Variants in DOCK1 observed in about 807,000 individuals in gnomAD.
The protein encoded by DOCK1 is dedicator of cytokinesis protein 1.
DOCK1 carries 138 observed loss-of-function variants against 262.7 expected under a neutral mutation model. The observed-to-expected ratio is 0.53, with a 90% CI of 0.46 to 0.61. The LOEUF is 0.61. Among genes scored for constraint, DOCK1 ranks in the 20% least tolerant of loss-of-function variants. The probability of loss-of-function intolerance (pLI) is 0.00; values close to 1 mark genes in which losing one functional copy is unlikely to be tolerated. For missense variants in DOCK1, 1,908 were observed against 2,370.7 expected, an observed-to-expected ratio of 0.80 and a Z score of 4.05; for synonymous variants, 866 against 867.4, an observed-to-expected ratio of 1.00 and a Z score of 0.03.
At position 126,934,422 on chromosome 10, in the gene DOCK1, C is replaced by A. The variant is rs887697215; in HGVS notation, c.46+28859C>A. ...ACTGGGGCTCTGTTGCAGGCTCCCA[C>A]CTTCGGAGAGAAGCCGTGCACCATT... On this transcript the variant is annotated intron_variant, in intron 1 of 51. Transcript: ENST00000623213. Among the ~76,000 whole-genome samples the A allele has an allele frequency of 5.2e-3, 797 of 152,360 alleles. 9 individuals are homozygous for A. The highest frequency in any genetic ancestry group is 0.018 in the African/African-American group (767 of 41,582).
intron 29 of DOCK1, among the ~76,000 whole-genome samples, chr10:127,327,486 T>G (rs2062793112): frequency 6.6e-6 from 1 of 152,188 alleles, no homozygotes. Flanking sequence ...TTCCCAGAAT[T>G]GAACAGAGTT....
chr10:127,266,287 C>CT (rs1182280211), intron 29 of DOCK1, among the ~76,000 whole-genome samples: 1 of 152,134 alleles, frequency 6.6e-6, no homozygotes, highest in Admixed American at 6.5e-5. Context: ...ATCTTTTTTC[C>CT]TTTCTTTGAA....
chr10:127,264,105 T>C (rs911791474), intron 29 of DOCK1, among the ~76,000 whole-genome samples: 3 of 152,202 alleles, frequency 2.0e-5, no homozygotes, highest in African/African-American at 7.2e-5. Flanking sequence ...AATTAGACTT[T>C]CTTGTTCGTA....
At chr10:127,216,940 A>G (rs896973893) in intron 27 of DOCK1, among the ~76,000 whole-genome samples, 1 of 152,178 alleles carries the variant, frequency 6.6e-6, no homozygotes, top group East Asian at 1.9e-4. Flanking sequence ...AACTGGCATC[A>G]TTTCCATTTG....
At chr10:127,208,387 C>A (rs545873631) in intron 27 of DOCK1, among the ~76,000 whole-genome samples, 2 of 152,244 alleles carry the variant, frequency 1.3e-5, no homozygotes, top group African/African-American at 4.8e-5. Context: ...TTTCATGCAA[C>A]CCAATGGAGT....
In DOCK1 at chr10:126,995,640, G is replaced by T. The variant is rs2040137555; in HGVS notation, c.474-1108G>T. ...CAGAGGCAGACCGTGGAGAGAGAGG[G>T]AGAGGGAGACCGTGGAGAGGGAGAG... On this transcript the variant is annotated intron_variant, in intron 6 of 51. Coordinates refer to ENST00000623213, the MANE Select transcript of DOCK1 (RefSeq NM_001290223.2). This position sits in a 1 kb window ranked among gnomAD's most constrained non-coding sequence, Gnocchi z 5.8. Among the ~76,000 whole-genome samples, 1 of 151,992 alleles carries T rather than the reference G, an allele frequency of 6.6e-6. No homozygotes were observed. The highest frequency in any genetic ancestry group is 1.5e-5 in the Non-Finnish European group (1 of 67,980).
intron 1 of DOCK1, among the ~76,000 whole-genome samples, chr10:126,931,088 C>A (rs1000250848): frequency 6.6e-6 from 1 of 151,990 alleles, no homozygotes; most frequent in Non-Finnish European, 1.5e-5. Context: ...AGTTGCTGCA[C>A]GCCCACCGAG....
chr10:127,148,324 TTGCAAC>T (rs1223525732), intron 27 of DOCK1, among the ~76,000 whole-genome samples: 1 of 152,334 alleles, frequency 6.6e-6, no homozygotes, highest in African/African-American at 2.4e-5. Context: ...CACTCAGGGC[TTGCAAC>T]TGATGGTAGG....
chr10:127,292,975 G>T (rs776169746), intron 29 of DOCK1, among the ~76,000 whole-genome samples: 1 of 152,182 alleles, frequency 6.6e-6, no homozygotes, highest in Non-Finnish European at 1.5e-5. Flanking sequence ...TTTGTAATGT[G>T]AAAGGTGCTG....
At chr10:126,965,382 T>C (rs2037589386) in intron 1 of DOCK1, among the ~76,000 whole-genome samples, 1 of 152,036 alleles carries the variant, frequency 6.6e-6, no homozygotes. Context: ...AGATGGGTTG[T>C]GTGCTGGAGA....
chr10:127,153,477 C>G (rs1159433682), intron 27 of DOCK1, among the ~76,000 whole-genome samples: 3 of 152,308 alleles, frequency 2.0e-5, no homozygotes, highest in African/African-American at 7.2e-5. Context: ...CCATGGTATT[C>G]CTAGCACATA....
At chr10:127,004,772 A>ACCCCCCCCCCCCCCCCCCC (rs1341119813) in intron 10 of DOCK1, among the ~76,000 whole-genome samples, 1 of 15,008 alleles carries the variant, frequency 6.7e-5, no homozygotes, top group African/African-American at 2.3e-4. Flanking sequence ...CTGCCCCGCC[A>ACCCCCCCCCCCCCCCCCCC]CCCCCCCGCC....
At chr10:127,148,901 G>A (rs960692792) in intron 27 of DOCK1, among the ~76,000 whole-genome samples, 8 of 152,138 alleles carry the variant, frequency 5.3e-5, no homozygotes, top group African/African-American at 1.9e-4. Flanking sequence ...CAACCGAAGG[G>A]ATGTCTGTCA....
At chr10:127,201,324 G>A (rs1163165117) in intron 27 of DOCK1, among the ~76,000 whole-genome samples, 1 of 152,194 alleles carries the variant, frequency 6.6e-6, no homozygotes, top group African/African-American at 2.4e-5. Flanking sequence ...GCACGGTCCT[G>A]GCAGCCGAGC....
chr10:127,394,380 A>C (rs6482861), intron 38 of DOCK1, among the ~76,000 whole-genome samples: 1 of 148,646 alleles, frequency 6.7e-6, no homozygotes, highest in East Asian at 2.0e-4. Flanking sequence ...AGCGTTTTAC[A>C]TCATTGTGTA....
rs3818881 is a variant in DOCK1, at chr10:127,025,071, C to T, written c.1551+288C>T. On this transcript the variant is annotated intron_variant, in intron 15 of 51. Coordinates refer to ENST00000623213, the MANE Select transcript of DOCK1 (RefSeq NM_001290223.2). ...CTTCCCAGTACTGTTTTATGTGTGG[C>T]ATGCTGTCTTTACACCAAACAAAAA... 0.021 allele frequency: 5,168 copies of T among 244,794 alleles called. 154 individuals carry two copies. The highest frequency in any genetic ancestry group is 0.086 in the East Asian group (1,040 of 12,074). 15.2% of individuals were successfully genotyped at this position (244,794 alleles called of 1,614,324 possible). A position where few individuals can be genotyped will look rare whatever the true frequency, so the allele number is the denominator to read the frequency against.
At chr10:126,985,928 TC>T (rs2039349190) in intron 4 of DOCK1, among the ~76,000 whole-genome samples, 2 of 152,168 alleles carry the variant, frequency 1.3e-5, no homozygotes. Context: ...CACTGCAACT[TC>T]CGTCTCCCGG....
intron 27 of DOCK1, among the ~76,000 whole-genome samples, chr10:127,197,843 A>T (rs1470286957): frequency 3.9e-5 from 6 of 152,092 alleles, no homozygotes; most frequent in African/African-American, 1.4e-4. Flanking sequence ...CTTTATACGA[A>T]ATACCTTCTT....
chr10:127,341,666 G>A (rs12413282), intron 30 of DOCK1, among the ~76,000 whole-genome samples: 1 of 152,018 alleles, frequency 6.6e-6, no homozygotes, highest in African/African-American at 2.4e-5. Context: ...GGGGGAGCCT[G>A]TTTCTCAACA....
Sources: allele counts gnomAD v4.1 joint callset (sites outside exome capture counted in the v4.1 genomes callset), GRCh38; gene constraint gnomAD v4.1.1; non-coding constraint Gnocchi (gnomAD v3.1); transcripts MANE v1.5; gene names NCBI Gene and HGNC (gene_info 2026-07-23, HGNC 2026-07-21).